RBFOX3: variants seen among roughly 807,000 people sequenced by gnomAD.
RBFOX3 encodes RNA binding fox-1 homolog 3.
A neutral mutation model predicts 48.7 loss-of-function variants in RBFOX3; 17 were observed. The observed-to-expected ratio is 0.35, with a 90% CI of 0.24 to 0.52. The LOEUF (loss-of-function observed/expected upper bound fraction) is 0.52. Among genes scored for constraint, RBFOX3 ranks in the 20% least tolerant of loss-of-function variants. The pLI, the probability that RBFOX3 is intolerant of heterozygous loss-of-function variation, is 0.94. For synonymous variants in RBFOX3, 212 were observed against 209.5 expected, an observed-to-expected ratio of 1.01 and a Z score of -0.10; for missense variants, 382 against 497.5, an observed-to-expected ratio of 0.77 and a Z score of 2.21.
intron 1 of RBFOX3, among the ~76,000 whole-genome samples, chr17:79,498,880 C>CCATCCATT (rs1334890067): frequency 4.0e-5 from 6 of 150,198 alleles, no homozygotes; most frequent in African/African-American, 1.5e-4. Flanking sequence ...ATCCATCCAT[C>CCATCCATT]CATCCATCCA....
At chr17:79,385,761 C>T (rs1169759518) in intron 2 of RBFOX3, among the ~76,000 whole-genome samples, 1 of 152,110 alleles carries the variant, frequency 6.6e-6, no homozygotes, top group Non-Finnish European at 1.5e-5. Context: ...GGGGCTCCAT[C>T]ACTCTCCATT....
chr17:79,502,721 C>T (rs1027135380), intron 1 of RBFOX3, among the ~76,000 whole-genome samples: 6 of 152,190 alleles, frequency 3.9e-5, no homozygotes, highest in South Asian at 2.1e-4. Context: ...GTTGCCTCTT[C>T]GGCCTTTACC....
At chr17:79,592,272 T>TG (rs34428546) in intron 1 of RBFOX3, among the ~76,000 whole-genome samples, 1 of 147,558 alleles carries the variant, frequency 6.8e-6, no homozygotes, top group Non-Finnish European at 1.5e-5. Context: ...TGTATGTGGG[T>TG]GGGGGGGTGT....
intron 4 of RBFOX3, among the ~76,000 whole-genome samples, chr17:79,192,940 G>A (rs1041835895): frequency 2.0e-5 from 3 of 152,222 alleles, no homozygotes; most frequent in African/African-American, 7.2e-5. Flanking sequence ...GACCCCCAGA[G>A]GGAAGCAGGC....
chr17:79,200,079 C>T (rs1219640466), intron 4 of RBFOX3, among the ~76,000 whole-genome samples: 1 of 146,578 alleles, frequency 6.8e-6, no homozygotes, highest in Non-Finnish European at 1.5e-5. Context: ...AGGAGAATCA[C>T]TTGAACCCGG....
Position 79,580,593 on chromosome 17 carries a change from C to T in RBFOX3, c.-320+30233G>A, listed in dbSNP as rs991134695. Reference sequence around the variant, plus strand: ...CGATCAGCCAGGAGAGAGGAGGTTCCGCTGCAGTAACAAACAGCTGCCAAG... The same window carrying T: ...CGATCAGCCAGGAGAGAGGAGGTTCTGCTGCAGTAACAAACAGCTGCCAAG... On this transcript the variant is annotated intron_variant, in intron 1 of 14. Coordinates refer to ENST00000693108, the MANE Select transcript of RBFOX3 (RefSeq NM_001350451.2). Among the ~76,000 whole-genome samples, 18 of 152,178 alleles carry T rather than the reference C, an allele frequency of 1.2e-4. No homozygotes were observed. In the East Asian group the frequency reaches 2.1e-3, roughly 18 times the overall value.
chr17:79,091,976 T>TA, intron 14 of RBFOX3: 1 of 985,480 alleles, frequency 1.0e-6, no homozygotes, highest in Non-Finnish European at 1.2e-6. Context: ...TGAAAAATAT[T>TA]AGTTTCAGCT....
intron 4 of RBFOX3, among the ~76,000 whole-genome samples, chr17:79,172,128 T>A (rs568601804): frequency 1.6e-5 from 2 of 125,798 alleles, no homozygotes; most frequent in Admixed American, 2.1e-4. Context: ...GAGCCGACAT[T>A]ACACCACTGC....
chr17:79,366,029 C>T (rs1473313343), intron 2 of RBFOX3, among the ~76,000 whole-genome samples: 1 of 152,264 alleles, frequency 6.6e-6, no homozygotes, highest in African/African-American at 2.4e-5. Flanking sequence ...CACAGGGATG[C>T]TTCTGCCCAC....
At chr17:79,517,004 C>T (rs2085336492) in intron 1 of RBFOX3, among the ~76,000 whole-genome samples, 1 of 152,004 alleles carries the variant, frequency 6.6e-6, no homozygotes, top group African/African-American at 2.4e-5. Context: ...TCATAGGGGC[C>T]GAGCTTTGGT....
intron 1 of RBFOX3, among the ~76,000 whole-genome samples, chr17:79,563,649 A>G (rs2092342490): frequency 6.6e-6 from 1 of 152,214 alleles, no homozygotes; most frequent in Non-Finnish European, 1.5e-5. Flanking sequence ...CTTTCCATAT[A>G]CTAGAGGAGT....
the RBFOX3 span, among the ~76,000 whole-genome samples, chr17:79,624,578 G>A: frequency 6.6e-6 from 1 of 152,254 alleles, no homozygotes; most frequent in Non-Finnish European, 1.5e-5. Context: ...ATCCAGAGCC[G>A]AGCGAAGGGA....
intron 3 of RBFOX3, among the ~76,000 whole-genome samples, chr17:79,292,481 C>T (rs2073462990): frequency 6.6e-6 from 1 of 151,990 alleles, no homozygotes; most frequent in African/African-American, 2.4e-5. Context: ...ATGGAAGGTT[C>T]TCAATGAATA....
chr17:79,143,482 G>A (rs973508728), intron 4 of RBFOX3, among the ~76,000 whole-genome samples: 5 of 151,778 alleles, frequency 3.3e-5, no homozygotes, highest in Non-Finnish European at 7.4e-5. Flanking sequence ...CCACAGCTCA[G>A]AAGCCAACCC....
rs2056369839 is a variant in RBFOX3, at chr17:79,199,452, G to A, written c.-34+36314C>T. 1.3e-5 allele frequency among the ~76,000 whole-genome samples: 2 copies of A among 152,168 alleles called. No individual in the cohort carries two copies. The highest frequency in any genetic ancestry group is 1.3e-4 in the Admixed American group (2 of 15,290). Reference sequence around the variant, plus strand: ...AGATCTTGGGGGTCTCTCAGTGGGGGAAATCAGCCCAGGTGGGACTTGAGG... The same window carrying A: ...AGATCTTGGGGGTCTCTCAGTGGGGAAAATCAGCCCAGGTGGGACTTGAGG... On this transcript the variant is annotated intron_variant, in intron 4 of 14. Transcript: ENST00000693108. The surrounding 1 kb of genome is among the most constrained non-coding windows in gnomAD (Gnocchi z 5.1).
chr17:79,493,423 C>T (rs889342482), intron 1 of RBFOX3, among the ~76,000 whole-genome samples: 5 of 152,110 alleles, frequency 3.3e-5, no homozygotes, highest in African/African-American at 7.2e-5. Flanking sequence ...AGCAGGACCC[C>T]GGCTTCCCAG....
intron 1 of RBFOX3, among the ~76,000 whole-genome samples, chr17:79,483,072 TG>T (rs2078997391): frequency 6.6e-6 from 1 of 152,112 alleles, no homozygotes; most frequent in Non-Finnish European, 1.5e-5. Flanking sequence ...ATGATGTCAC[TG>T]TCCTGATCTG....
chr17:79,182,645 C>T (rs1420840826), intron 4 of RBFOX3, among the ~76,000 whole-genome samples: 1 of 152,058 alleles, frequency 6.6e-6, no homozygotes, highest in African/African-American at 2.4e-5. Flanking sequence ...TTCCTGCCCC[C>T]ACCCAACCCC....
intron 2 of RBFOX3, among the ~76,000 whole-genome samples, chr17:79,380,194 TGCC>T (rs1224074224): frequency 1.3e-5 from 2 of 151,004 alleles, no homozygotes. Context: ...ATCCCCCCCT[TGCC>T]ACCCCTCCCC....
Sources: allele counts gnomAD v4.1 joint callset (sites outside exome capture counted in the v4.1 genomes callset), GRCh38; gene constraint gnomAD v4.1.1; non-coding constraint Gnocchi (gnomAD v3.1); transcripts MANE v1.5; gene names NCBI Gene and HGNC (gene_info 2026-07-23, HGNC 2026-07-21).